Variants in ROBO1 observed in about 807,000 individuals in gnomAD.
ROBO1 encodes roundabout guidance receptor 1.
A neutral mutation model predicts 195.9 loss-of-function variants in ROBO1; 149 were observed. The ratio of observed to expected loss-of-function variants is 0.76; its 90% confidence interval spans 0.67 to 0.87. The LOEUF (loss-of-function observed/expected upper bound fraction) is 0.87, where lower values mean the gene tolerates loss of function less well. Ranked by LOEUF, ROBO1 falls within the 40% of genes least tolerant of loss-of-function variation. The pLI, the probability that ROBO1 is intolerant of heterozygous loss-of-function variation, is 0.00. For synonymous variants in ROBO1, 816 were observed against 733.2 expected (o/e 1.11, Z -1.82); for missense variants, 1,933 against 2,068.3 (o/e 0.93, Z 1.27).
At chr3:79,445,891 A>G (rs965419190) in intron 2 of ROBO1, among the ~76,000 whole-genome samples, 1 of 151,948 alleles carries the variant, frequency 6.6e-6, no homozygotes, top group African/African-American at 2.4e-5. Flanking sequence ...TGACCTCGTG[A>G]TCTGCCCGCC....
intron 3 of ROBO1, among the ~76,000 whole-genome samples, chr3:79,032,237 G>C (rs1014976299): frequency 6.6e-6 from 1 of 151,898 alleles, no homozygotes; most frequent in South Asian, 2.1e-4. Flanking sequence ...ACAATACAGG[G>C]TACATAATAT....
At position 79,713,625 on chromosome 3, in the gene ROBO1, T is replaced by C. The variant is rs377338358; in HGVS notation, c.-51+54127A>G. Among the ~76,000 whole-genome samples the C allele has an allele frequency of 2.6e-5, 4 of 152,276 alleles. No individual in the cohort carries two copies. In the East Asian group the frequency reaches 7.7e-4, roughly 29 times the overall value. ...AGATCCCATTTGTCAATTTTGGCTT[T>C]TGTTGCCGTTGCTTTTGGTGTTTTA... On this transcript the variant is annotated intron_variant, in intron 1 of 30. Transcript: ENST00000464233.
intron 1 of ROBO1, among the ~76,000 whole-genome samples, chr3:79,605,992 G>GTATATATA (rs141950454): frequency 2.8e-5 from 4 of 145,178 alleles, no homozygotes; most frequent in African/African-American, 1.0e-4. Flanking sequence ...ATGTGTGTGT[G>GTATATATA]TATATATATA....
At chr3:78,770,384 G>A (rs1040913707) in intron 4 of ROBO1, among the ~76,000 whole-genome samples, 13 of 152,118 alleles carry the variant, frequency 8.5e-5, no homozygotes, top group African/African-American at 2.9e-4. Context: ...TTAATGATGT[G>A]GAGCATTTTT....
chr3:79,626,479 AG>A lies in ROBO1; in HGVS notation c.-50-36519del, dbSNP rs368915483. ...AAACAAAAAAACCTCTCAATAAACT[AG>A]GTATTGATGGACCATATCTCAAAAT... On this transcript the variant is annotated intron_variant, in intron 1 of 30. Transcript: ENST00000464233. Among the ~76,000 whole-genome samples the A allele has an allele frequency of 4.0e-3, 609 of 152,246 alleles. 5 individuals carry two copies. Among genetic ancestry groups the A allele is most frequent in the Middle Eastern group, 0.031 (9 of 294 alleles).
At chr3:79,668,473 T>C (rs1215097270) in intron 1 of ROBO1, among the ~76,000 whole-genome samples, 1 of 151,492 alleles carries the variant, frequency 6.6e-6, no homozygotes, top group Non-Finnish European at 1.5e-5. Flanking sequence ...CCAAGCAACC[T>C]TCAAATTTAA....
intron 1 of ROBO1, among the ~76,000 whole-genome samples, chr3:79,662,275 C>T (rs1253290798): frequency 1.3e-5 from 2 of 152,004 alleles, no homozygotes; most frequent in East Asian, 3.9e-4. Context: ...ATTGAGATCT[C>T]CAATGTTTTT....
intron 3 of ROBO1, among the ~76,000 whole-genome samples, chr3:79,072,496 T>C (rs573074121): frequency 5.7e-4 from 86 of 152,050 alleles, no homozygotes; most frequent in African/African-American, 2.0e-3. Flanking sequence ...GCAGCTGCCC[T>C]GTATGAATGG....
intron 8 of ROBO1, among the ~76,000 whole-genome samples, chr3:78,707,811 T>C (rs1410154338): frequency 6.6e-6 from 1 of 152,170 alleles, no homozygotes; most frequent in African/African-American, 2.4e-5. Context: ...CCACTTCCTG[T>C]GACTGGCTGG....
chr3:79,290,634 CTTTCT>C (rs970669601), intron 2 of ROBO1, among the ~76,000 whole-genome samples: 14 of 152,098 alleles, frequency 9.2e-5, no homozygotes, highest in African/African-American at 2.9e-4. Context: ...TAGAACACAT[CTTTCT>C]TTTATCATTT....
At chr3:78,887,411 A>C (rs2036630390) in intron 4 of ROBO1, among the ~76,000 whole-genome samples, 1 of 152,240 alleles carries the variant, frequency 6.6e-6, no homozygotes, top group Non-Finnish European at 1.5e-5. Flanking sequence ...TGAAAGCTTA[A>C]CATAAGCTAT....
intron 2 of ROBO1, among the ~76,000 whole-genome samples, chr3:79,302,265 G>A (rs1012024668): frequency 1.2e-4 from 19 of 152,148 alleles, no homozygotes; most frequent in Non-Finnish European, 2.4e-4. Flanking sequence ...GGTTCCTTAA[G>A]TCAAAGTAAC....
chr3:79,327,653 T>C (rs1044328056), intron 2 of ROBO1, among the ~76,000 whole-genome samples: 47 of 152,150 alleles, frequency 3.1e-4, no homozygotes, highest in African/African-American at 1.1e-3. Flanking sequence ...CCTGCATGAA[T>C]AAATCACCAG....
intron 1 of ROBO1, among the ~76,000 whole-genome samples, chr3:79,742,605 G>A (rs1305471008): frequency 6.6e-6 from 1 of 152,096 alleles, no homozygotes; most frequent in Non-Finnish European, 1.5e-5. Flanking sequence ...GGGTTCCCCA[G>A]CCTCACCTCC....
chr3:79,262,246 T>C (rs1464191108), intron 2 of ROBO1, among the ~76,000 whole-genome samples: 1 of 152,108 alleles, frequency 6.6e-6, no homozygotes, highest in Non-Finnish European at 1.5e-5. Context: ...ACTCAAGTCA[T>C]TTTGCTCTAG....
At chr3:79,669,045 T>A (rs1440526490) in intron 1 of ROBO1, among the ~76,000 whole-genome samples, 1 of 151,926 alleles carries the variant, frequency 6.6e-6, no homozygotes, top group Non-Finnish European at 1.5e-5. Context: ...ATGTCATTGA[T>A]ATGGTTTGGC....
chr3:78,968,868 C>T (rs1342759664), intron 3 of ROBO1, among the ~76,000 whole-genome samples: 2 of 152,072 alleles, frequency 1.3e-5, no homozygotes, highest in African/African-American at 4.8e-5. Flanking sequence ...TTATAACAGG[C>T]ACAAATAGGC....
intron 2 of ROBO1, among the ~76,000 whole-genome samples, chr3:79,129,388 G>C (rs1245879973): frequency 6.6e-6 from 1 of 151,926 alleles, no homozygotes; most frequent in Non-Finnish European, 1.5e-5. Context: ...GGTTATATGT[G>C]TGTGTGTATA....
At chr3:78,839,401 G>C (rs1559910250) in intron 4 of ROBO1, among the ~76,000 whole-genome samples, 1 of 151,034 alleles carries the variant, frequency 6.6e-6, no homozygotes. Flanking sequence ...GGTTTGTACT[G>C]AATATTCTTT....
Sources: gnomAD v4.1 joint callset for allele counts (sites outside exome capture counted in the v4.1 genomes callset) on GRCh38, gnomAD v4.1.1 for gene constraint, MANE v1.5 for transcripts, NCBI Gene and HGNC (gene_info 2026-07-23, HGNC 2026-07-21) for gene names.